The following RBFOX1 variants were observed in gnomAD, a reference collection of about 807,000 sequenced individuals.
The protein encoded by RBFOX1 is RNA binding protein fox-1 homolog 1.
In RBFOX1, 8 loss-of-function variants were observed where a neutral mutation model predicts 57.7. That is an observed-to-expected ratio of 0.14 (90% CI 0.08 to 0.25). RBFOX1 has a LOEUF of 0.25. Among genes scored for constraint, RBFOX1 ranks in the 10% least tolerant of loss-of-function variants. RBFOX1 has a pLI of 1.00. For synonymous variants in RBFOX1, 326 were observed against 222.4 expected (o/e 1.47, Z -4.15); for missense variants, 611 against 548.5 (o/e 1.11, Z -1.14).
intron 2 of RBFOX1, among the ~76,000 whole-genome samples, chr16:5,473,918 G>T (rs1254223611): frequency 6.7e-6 from 1 of 149,946 alleles, no homozygotes; most frequent in East Asian, 2.0e-4. Context: ...AAGGAAGGAA[G>T]GGTGGGTGGG....
chr16:6,921,430 G>A (rs548868645), intron 3 of RBFOX1, among the ~76,000 whole-genome samples: 1 of 152,008 alleles, frequency 6.6e-6, no homozygotes, highest in Non-Finnish European at 1.5e-5. Flanking sequence ...TCCTGTGACC[G>A]TAAGTCTGAG....
Position 5,947,272 on chromosome 16 carries a change from G to T in RBFOX1, c.351+79937G>T, listed in dbSNP as rs551994436. On this transcript the variant is annotated intron_variant, in intron 4 of 19. Transcript: ENST00000641259. The surrounding 1 kb of genome is among the most constrained non-coding windows in gnomAD (Gnocchi z 7.2). ...AAGGCTGGAGAGCACAGTGGGTAAG[G>T]AGGAGGTGGCCAAGCTGAGGTCAGA... Among the ~76,000 whole-genome samples the T allele has an allele frequency of 1.6e-4, 24 of 152,260 alleles. No individual in the cohort carries two copies. Among genetic ancestry groups the T allele is most frequent in the Admixed American group, 6.5e-4 (10 of 15,292 alleles).
chr16:6,435,475 T>C (rs111703976), intron 2 of RBFOX1, among the ~76,000 whole-genome samples: 3,132 of 152,176 alleles, frequency 0.021, 65 homozygotes, highest in African/African-American at 0.047. Flanking sequence ...ATTTTTGTAT[T>C]TCTTTTTCAT....
At chr16:7,018,779 T>C (rs2094047013) in intron 3 of RBFOX1, among the ~76,000 whole-genome samples, 1 of 93,746 alleles carries the variant, frequency 1.1e-5, no homozygotes. Context: ...CCCTATACCT[T>C]AAAGTATTAA....
At chr16:7,618,685 C>T (rs542996475) in intron 10 of RBFOX1, among the ~76,000 whole-genome samples, 24 of 152,198 alleles carry the variant, frequency 1.6e-4, no homozygotes, top group African/African-American at 5.8e-4. Flanking sequence ...TAAATTCACC[C>T]AATAGTGTTT....
At chr16:7,409,890 C>A (rs916913396) in intron 4 of RBFOX1, among the ~76,000 whole-genome samples, 4 of 152,070 alleles carry the variant, frequency 2.6e-5, no homozygotes, top group Admixed American at 1.3e-4. Flanking sequence ...AAATGGAGTT[C>A]CGGCAATGTC....
chr16:6,529,814 CTTT>C (rs1186720262), intron 2 of RBFOX1, among the ~76,000 whole-genome samples: 1 of 152,014 alleles, frequency 6.6e-6, no homozygotes, highest in African/African-American at 2.4e-5. Flanking sequence ...GTTGATATTT[CTTT>C]AACATTTTTA....
intron 1 of RBFOX1, among the ~76,000 whole-genome samples, chr16:6,181,452 G>T (rs540143032): frequency 6.6e-6 from 1 of 152,262 alleles, no homozygotes; most frequent in South Asian, 2.1e-4. Context: ...GGGGGGGTCA[G>T]TTTTGTCCAC....
At chr16:6,026,535 C>A (rs570860136) in intron 1 of RBFOX1, among the ~76,000 whole-genome samples, 5 of 152,170 alleles carry the variant, frequency 3.3e-5, no homozygotes, top group Non-Finnish European at 7.3e-5. Context: ...TTGCAAGATA[C>A]AAGGGAGGGT....
intron 5 of RBFOX1, among the ~76,000 whole-genome samples, chr16:7,538,030 G>A (rs2081967620): frequency 6.6e-6 from 1 of 152,196 alleles, no homozygotes; most frequent in Non-Finnish European, 1.5e-5. Flanking sequence ...GACATTGTCT[G>A]TGCCCGGAAA....
chr16:5,770,703 A>G (rs1001368612), intron 3 of RBFOX1, among the ~76,000 whole-genome samples: 2 of 152,002 alleles, frequency 1.3e-5, no homozygotes, highest in African/African-American at 4.8e-5. Context: ...GCTAAGCCTC[A>G]GTTTTGGTGC....
chr16:6,605,280 A>G (rs1383699293), intron 2 of RBFOX1, among the ~76,000 whole-genome samples: 1 of 152,174 alleles, frequency 6.6e-6, no homozygotes, highest in Non-Finnish European at 1.5e-5. Context: ...AATTAAAGAA[A>G]TAAAAAATAG....
intron 1 of RBFOX1, among the ~76,000 whole-genome samples, chr16:5,316,105 C>G (rs1329874182): frequency 6.6e-6 from 1 of 152,258 alleles, no homozygotes; most frequent in Non-Finnish European, 1.5e-5. Flanking sequence ...CCACACTCCC[C>G]TGCCACAGGG....
chr16:5,550,059 G>A (rs2045397062), intron 2 of RBFOX1, among the ~76,000 whole-genome samples: 1 of 152,226 alleles, frequency 6.6e-6, no homozygotes, highest in South Asian at 2.1e-4. Flanking sequence ...ATGAAATCAT[G>A]TATAAGCAAA....
chr16:7,488,814 C>T (rs780476466), intron 4 of RBFOX1, among the ~76,000 whole-genome samples: 41 of 152,250 alleles, frequency 2.7e-4, no homozygotes, highest in Admixed American at 1.7e-3. Flanking sequence ...ATCTATCCAT[C>T]CATCTATCCA....
chr16:6,170,877 A>G (rs1374159730), intron 1 of RBFOX1, among the ~76,000 whole-genome samples: 1 of 152,104 alleles, frequency 6.6e-6, no homozygotes, highest in Non-Finnish European at 1.5e-5. Flanking sequence ...TGCTAAATAT[A>G]ATGGCCTCCA....
At chr16:7,297,035 T>C (rs2095908203) in intron 4 of RBFOX1, among the ~76,000 whole-genome samples, 1 of 152,092 alleles carries the variant, frequency 6.6e-6, no homozygotes, top group Non-Finnish European at 1.5e-5. Context: ...TTTTCCAAGC[T>C]TGCACTCCAT....
chr16:7,043,263 G>GC (rs2046789132), intron 3 of RBFOX1, among the ~76,000 whole-genome samples: 1 of 152,028 alleles, frequency 6.6e-6, no homozygotes, highest in Non-Finnish European at 1.5e-5. Flanking sequence ...CTGGAACCCT[G>GC]TTTTTTCTTT....
chr16:6,011,123 G>A (rs1040191630), intron 4 of RBFOX1, among the ~76,000 whole-genome samples: 1 of 152,142 alleles, frequency 6.6e-6, no homozygotes, highest in Admixed American at 6.5e-5. Flanking sequence ...GAAAGAAATC[G>A]ATTGTCAATA....
Sources: allele counts gnomAD v4.1 joint callset (sites outside exome capture counted in the v4.1 genomes callset), GRCh38; gene constraint gnomAD v4.1.1; non-coding constraint Gnocchi (gnomAD v3.1); transcripts MANE v1.5; gene names NCBI Gene and HGNC (gene_info 2026-07-23, HGNC 2026-07-21).